SCFD2: variants seen among roughly 807,000 people sequenced by gnomAD.
SCFD2 encodes sec1 family domain-containing protein 2.
SCFD2 carries 54 observed loss-of-function variants against 58.9 expected under a neutral mutation model. The ratio of observed to expected loss-of-function variants is 0.92; its 90% CI spans 0.74 to 1.15. SCFD2 has a LOEUF of 1.15. SCFD2 is among the 50% of genes most tolerant of loss of function. The probability of loss-of-function intolerance (pLI) is 0.00; values close to 1 mark genes in which losing one functional copy is unlikely to be tolerated. For synonymous variants in SCFD2, 321 were observed against 335.9 expected (o/e 0.96, Z 0.49); for missense variants, 805 against 836.6 (o/e 0.96, Z 0.47).
At chr4:53,274,667 A>G (rs375186839) in intron 3 of SCFD2, among the ~76,000 whole-genome samples, 2 of 152,304 alleles carry the variant, frequency 1.3e-5, no homozygotes, top group African/African-American at 4.8e-5. Flanking sequence ...GACTATACAA[A>G]CACTTGTACA....
At chr4:53,207,522 TA>T (rs1243247182) in intron 4 of SCFD2, among the ~76,000 whole-genome samples, 1 of 44,480 alleles carries the variant, frequency 2.2e-5, no homozygotes, top group Non-Finnish European at 3.7e-5. Context: ...ATATTATATA[TA>T]TAATATTTAT....
intron 5 of SCFD2, among the ~76,000 whole-genome samples, chr4:52,998,661 A>G (rs1405268131): frequency 6.6e-6 from 1 of 152,208 alleles, no homozygotes; most frequent in Non-Finnish European, 1.5e-5. Flanking sequence ...AAGATCACCC[A>G]AAAAGAAGAC....
intron 5 of SCFD2, among the ~76,000 whole-genome samples, chr4:52,924,380 C>T (rs1029320628): frequency 6.6e-6 from 1 of 152,148 alleles, no homozygotes; most frequent in African/African-American, 2.4e-5. Flanking sequence ...CAGGTTACTA[C>T]TGGTAAATTG....
chr4:53,020,588 T>G (rs11941906), intron 5 of SCFD2, among the ~76,000 whole-genome samples: 29,842 of 152,088 alleles, frequency 0.2, 5,383 homozygotes, highest in African/African-American at 0.48. Context: ...CTGAAACAAG[T>G]TATCCTGTGA....
intron 5 of SCFD2, among the ~76,000 whole-genome samples, chr4:53,051,624 A>T (rs942288927): frequency 6.6e-6 from 1 of 152,198 alleles, no homozygotes; most frequent in African/African-American, 2.4e-5. Context: ...TACGGTGGCT[A>T]GATTTAATTA....
chr4:52,975,343 A>G (rs1721226447), intron 5 of SCFD2, among the ~76,000 whole-genome samples: 1 of 152,192 alleles, frequency 6.6e-6, no homozygotes, highest in Non-Finnish European at 1.5e-5. Context: ...AAACAACCCC[A>G]TCAAAAAGTA....
At chr4:53,201,853 C>T (rs1277076124) in intron 4 of SCFD2, among the ~76,000 whole-genome samples, 5 of 152,230 alleles carry the variant, frequency 3.3e-5, no homozygotes, top group Non-Finnish European at 5.9e-5. Flanking sequence ...ATATCCTTGG[C>T]CCACTTTTTG....
At chr4:53,110,409 A>C (rs1250636928) in intron 5 of SCFD2, among the ~76,000 whole-genome samples, 4 of 152,220 alleles carry the variant, frequency 2.6e-5, no homozygotes, top group Non-Finnish European at 5.9e-5. Context: ...AATTAAACTA[A>C]AGAGCACAGC....
At chr4:52,885,696 C>A in intron 8 of SCFD2, 51 bp downstream of exon 8, 1 of 1,608,404 alleles carries the variant, frequency 6.2e-7, no homozygotes, top group Non-Finnish European at 8.5e-7. Context: ...CTCACCCACC[C>A]TTCACACCCC....
At chr4:53,033,231 C>A (rs1018373819) in intron 5 of SCFD2, among the ~76,000 whole-genome samples, 3 of 151,876 alleles carry the variant, frequency 2.0e-5, no homozygotes, top group Non-Finnish European at 4.4e-5. Context: ...GGGTAAATAA[C>A]GAAATGAAGG....
chr4:53,239,882 A>G (rs776328807), intron 4 of SCFD2, among the ~76,000 whole-genome samples: 1 of 152,204 alleles, frequency 6.6e-6, no homozygotes, highest in Non-Finnish European at 1.5e-5. Context: ...AAATCTTCCT[A>G]GCCTAAGATC....
At chr4:53,319,379 G>A (rs1226655102) in intron 2 of SCFD2, among the ~76,000 whole-genome samples, 2 of 152,092 alleles carry the variant, frequency 1.3e-5, no homozygotes, top group Non-Finnish European at 2.9e-5. Context: ...AGAAGACTTT[G>A]ATGAATTTTT....
intron 5 of SCFD2, among the ~76,000 whole-genome samples, chr4:53,134,957 A>G (rs1255959320): frequency 7.2e-5 from 11 of 152,190 alleles, no homozygotes; most frequent in Non-Finnish European, 1.5e-4. Flanking sequence ...ACAGAGTTCT[A>G]TGAGAAGCCT....
intron 4 of SCFD2, among the ~76,000 whole-genome samples, chr4:53,145,857 A>T (rs1266354702): frequency 2.0e-5 from 3 of 152,176 alleles, no homozygotes; most frequent in Non-Finnish European, 4.4e-5. Flanking sequence ...GAGTCCATTA[A>T]TTTTAAAGAA....
intron 5 of SCFD2, among the ~76,000 whole-genome samples, chr4:53,032,966 A>G (rs756797475): frequency 6.6e-6 from 1 of 152,172 alleles, no homozygotes; most frequent in Non-Finnish European, 1.5e-5. Flanking sequence ...GACCAAGCAG[A>G]CCTAATAGAC....
intron 3 of SCFD2, among the ~76,000 whole-genome samples, chr4:53,279,192 A>G (rs1226393981): frequency 2.6e-5 from 4 of 152,246 alleles, no homozygotes; most frequent in Non-Finnish European, 5.9e-5. Flanking sequence ...AGCACATTTT[A>G]AAAGCCATAA....
chr4:53,310,312 A>T (rs1038611170), intron 3 of SCFD2, among the ~76,000 whole-genome samples: 1 of 152,224 alleles, frequency 6.6e-6, no homozygotes, highest in Non-Finnish European at 1.5e-5. Context: ...TGGCTCTAAT[A>T]TAATAGAATA....
chr4:52,955,144 T>C (rs1720681958), intron 5 of SCFD2, among the ~76,000 whole-genome samples: 1 of 152,208 alleles, frequency 6.6e-6, no homozygotes, highest in African/African-American at 2.4e-5. Flanking sequence ...GGGGCTCAGC[T>C]GTCCACAGTG....
intron 4 of SCFD2, among the ~76,000 whole-genome samples, chr4:53,240,326 T>C (rs1476905701): frequency 6.6e-6 from 1 of 152,192 alleles, no homozygotes; most frequent in East Asian, 1.9e-4. Flanking sequence ...AACTAAAATA[T>C]GCTACCAATT....
Sources: allele counts gnomAD v4.1 joint callset (sites outside exome capture counted in the v4.1 genomes callset), GRCh38; gene constraint gnomAD v4.1.1; transcripts MANE v1.5; gene names NCBI Gene and HGNC (gene_info 2026-07-23, HGNC 2026-07-21).